TOMM70: variants seen among roughly 807,000 people sequenced by gnomAD.
TOMM70 encodes the protein translocase of outer mitochondrial membrane 70, also known as mitochondrial import receptor subunit TOM70.
TOMM70 carries 13 observed loss-of-function variants against 73.6 expected under a neutral mutation model. The ratio of observed to expected loss-of-function variants is 0.18; its 90% CI spans 0.11 to 0.28. The LOEUF is 0.28. Ranked by LOEUF, TOMM70 falls within the 10% of genes least tolerant of loss-of-function variation. The pLI, the probability that TOMM70 is intolerant of heterozygous loss-of-function variation, is 1.00. For synonymous variants in TOMM70, 257 were observed against 271.2 expected, an observed-to-expected ratio of 0.95 and a Z score of 0.51; for missense variants, 609 against 747.5, an observed-to-expected ratio of 0.81 and a Z score of 2.16.
intron 1 of TOMM70, among the ~76,000 whole-genome samples, chr3:100,395,481 T>G (rs1447777237): frequency 6.9e-6 from 1 of 145,680 alleles, no homozygotes; most frequent in Non-Finnish European, 1.5e-5. Flanking sequence ...AGGCGGATGT[T>G]GCGGTGAGCA....
intron 1 of TOMM70, among the ~76,000 whole-genome samples, chr3:100,387,599 G>GACACACACACACACACACAC (rs71752325): frequency 8.5e-6 from 1 of 118,180 alleles, no homozygotes; most frequent in African/African-American, 3.2e-5. Context: ...CACAGACACA[G>GACACACACACACACACACAC]ACACACACAC....
chr3:100,396,411 A>AT (rs1291749975), intron 1 of TOMM70, among the ~76,000 whole-genome samples: 1 of 152,202 alleles, frequency 6.6e-6, no homozygotes, highest in Non-Finnish European at 1.5e-5. Context: ...AGAATGATGC[A>AT]TTTTTTATCA....
intron 4 of TOMM70, among the ~76,000 whole-genome samples, chr3:100,383,668 C>T (rs552892120): frequency 4.9e-4 from 75 of 152,142 alleles, no homozygotes; most frequent in African/African-American, 1.7e-3. Flanking sequence ...CAGCTAATAT[C>T]CAGAGATATA....
chr3:100,387,900 G>A (rs1028695137), intron 1 of TOMM70, among the ~76,000 whole-genome samples: 1 of 152,078 alleles, frequency 6.6e-6, no homozygotes, highest in Non-Finnish European at 1.5e-5. Context: ...TTTCAAAAAG[G>A]CTGCAGTACT....
At chr3:100,373,158 A>C (rs1159278613) in intron 8 of TOMM70, among the ~76,000 whole-genome samples, 2 of 149,550 alleles carry the variant, frequency 1.3e-5, no homozygotes, top group Non-Finnish European at 3.0e-5. Context: ...AAAAAAAAAA[A>C]CAACCTTTTG....
intron 1 of TOMM70, among the ~76,000 whole-genome samples, chr3:100,389,674 T>C (rs1706737330): frequency 6.6e-6 from 1 of 152,200 alleles, no homozygotes. Context: ...CCAGATAGTT[T>C]TACTGATAAA....
intron 7 of TOMM70, among the ~76,000 whole-genome samples, chr3:100,374,589 A>G (rs938211534): frequency 1.3e-5 from 2 of 152,232 alleles, no homozygotes; most frequent in Non-Finnish European, 2.9e-5. Flanking sequence ...TATGCCTGTT[A>G]TAAAACTTCA....
chr3:100,369,376 G>A (rs1367463237), intron 9 of TOMM70, among the ~76,000 whole-genome samples: 2 of 152,084 alleles, frequency 1.3e-5, no homozygotes, highest in Non-Finnish European at 2.9e-5. Flanking sequence ...TGCCACAGCA[G>A]ATAATCTCTG....
chr3:100,382,395 G>A (rs1706643454), intron 4 of TOMM70, among the ~76,000 whole-genome samples: 1 of 152,090 alleles, frequency 6.6e-6, no homozygotes, highest in African/African-American at 2.4e-5. Context: ...GGCTTTATAA[G>A]TAAATTATTT....
chr3:100,400,652 C>G lies in TOMM70; in HGVS notation c.298G>C (p.Glu100Gln). The G allele has an allele frequency of 1.2e-6, 2 of 1,612,418 alleles. No individual in the cohort carries two copies. The highest frequency in any genetic ancestry group is 2.2e-5 in the South Asian group (2 of 90,986). ...ASPAPGSGHP[E>Q]GPGAHLDMNS... ...ATGTCCAAGTGAGCACCGGGACCTT[C>G]AGGGTGTCCGCTGCCCGGGGCCGGA... Residue 100 changes from glutamate (E) to glutamine (Q), a missense_variant, in exon 1 of 12, where the codon GAA becomes CAA. Around this residue, in one of 2 missense-constraint regions of TOMM70, gnomAD observed 177 missense variants for 163.5 expected, o/e 1.08. Coordinates refer to ENST00000284320, the MANE Select transcript of TOMM70 (RefSeq NM_014820.5).
intron 1 of TOMM70, among the ~76,000 whole-genome samples, chr3:100,399,111 G>A (rs779405501): frequency 2.0e-5 from 3 of 151,926 alleles, no homozygotes; most frequent in Non-Finnish European, 4.4e-5. Context: ...GTGAAACCCC[G>A]TCTCTACTAA....
chr3:100,365,818 T>C lies in TOMM70; in HGVS notation c.1674-101A>G, dbSNP rs529949080. 8.4e-6 allele frequency: 11 copies of C among 1,309,690 alleles called. No homozygotes were observed. The African/African-American group carries it at 1.6e-4, about 19-fold the overall frequency. 81.1% of individuals were successfully genotyped at this position (1,309,690 alleles called of 1,614,324 possible). ...ACATGAAGTCTGACCACTAAGTTTC[T>C]TCACAATATTCAATGAAGGTTGTAA... On this transcript the variant is annotated intron_variant, in intron 11 of 11. Transcript: ENST00000284320.
At chr3:100,398,517 C>T (rs1010233969) in intron 1 of TOMM70, among the ~76,000 whole-genome samples, 27 of 151,418 alleles carry the variant, frequency 1.8e-4, no homozygotes, top group Admixed American at 1.2e-3. Context: ...AATTAACAAA[C>T]GAAATAGAAA....
At chr3:100,384,400 A>G in intron 4 of TOMM70, 79 bp downstream of exon 4, 1 of 974,112 alleles carries the variant, frequency 1.0e-6, no homozygotes, top group Non-Finnish European at 1.5e-6. Flanking sequence ...ACTATGCCTA[A>G]GCTTAAGCAG....
At chr3:100,389,626 A>G (rs758292135) in intron 1 of TOMM70, among the ~76,000 whole-genome samples, 1 of 151,506 alleles carries the variant, frequency 6.6e-6, no homozygotes, top group Non-Finnish European at 1.5e-5. Flanking sequence ...AATTAAGGTA[A>G]TATAGACAAA....
In TOMM70 at chr3:100,377,757, G is replaced by A; in HGVS notation, c.1040C>T (p.Ala347Val). Reference protein sequence around the residue: ...TFYLLIGNANAAKPDLDKVIS... With the variant: ...TFYLLIGNANVAKPDLDKVIS... ...GACTTTATCTAAATCTGGTTTGGCT[G>A]CATTGGCATTGCCAATAAGCAGGTA... The change falls in exon 6 of 12, where the codon GCA (alanine) becomes GTA (valine). Residue 347 changes from alanine to valine, a missense_variant. Physicochemically the swap from Ala to Val is moderately conservative, Grantham distance 64. Around this residue, in one of 2 missense-constraint regions of TOMM70, gnomAD observed 432 missense variants for 584.1 expected, o/e 0.74. Coordinates refer to ENST00000284320, the MANE Select transcript of TOMM70 (RefSeq NM_014820.5). The A allele has an allele frequency of 6.2e-7, 1 of 1,614,164 alleles. No homozygotes were observed. The highest frequency in any genetic ancestry group is 8.5e-7 in the Non-Finnish European group (1 of 1,180,016).
chr3:100,368,141 C>G lies in TOMM70; in HGVS notation c.1576G>C (p.Asp526His). ...ATAAGTTCCAAACCTCTATCCAGAT[C>G]TTGCTTCCACTGAAGTTGAAGTAAA... ...KGLLQLQWKQDLDRGLELISK... is the reference protein window; with the variant it reads ...KGLLQLQWKQHLDRGLELISK... Residue 526 changes from aspartate (D) to histidine (H), a missense_variant, in exon 11 of 12, where the codon GAT becomes CAT. Transcript: ENST00000284320. 6.2e-7 allele frequency: 1 copy of G among 1,611,980 alleles called. No homozygotes were observed. Among genetic ancestry groups the G allele is most frequent in the Non-Finnish European group, 8.5e-7 (1 of 1,179,502 alleles).
chr3:100,365,736 TA>T lies in TOMM70; in HGVS notation c.1674-20del. 1.2e-6 allele frequency: 2 copies of T among 1,613,186 alleles called. No individual in the cohort carries two copies. Among genetic ancestry groups the T allele is most frequent in the Non-Finnish European group, 1.7e-6 (2 of 1,179,322 alleles). On this transcript the variant is annotated intron_variant, in intron 11 of 11. Coordinates refer to ENST00000284320, the MANE Select transcript of TOMM70 (RefSeq NM_014820.5). ...GTTTCCTCTAAAAGAACAAAATTTT[TA>T]AGTCTCAGATTCAACAAGCACTTCA...
At chr3:100,381,138 C>T (rs1219103121) in intron 5 of TOMM70, among the ~76,000 whole-genome samples, 1 of 152,138 alleles carries the variant, frequency 6.6e-6, no homozygotes, top group Non-Finnish European at 1.5e-5. Context: ...TCTCTACAGG[C>T]TCCAACAAGA....
Sources: gnomAD v4.1 joint callset for allele counts (sites outside exome capture counted in the v4.1 genomes callset) on GRCh38, gnomAD v4.1.1 for gene constraint, gnomAD v4.1.1 regional missense constraint, MANE v1.5 for transcripts, NCBI Gene and HGNC (gene_info 2026-07-23, HGNC 2026-07-21) for gene names.